ROBO2: variants seen among roughly 807,000 people sequenced by gnomAD.
ROBO2 encodes the protein roundabout guidance receptor 2.
ROBO2 carries 53 observed loss-of-function variants against 160.8 expected under a neutral mutation model. The observed-to-expected ratio is 0.33, with a 90% CI of 0.26 to 0.41. The LOEUF is 0.41. Among genes scored for constraint, ROBO2 ranks in the 10% least tolerant of loss-of-function variants. The pLI, the probability that ROBO2 is intolerant of heterozygous loss-of-function variation, is 1.00. For missense variants in ROBO2, 1,577 were observed against 1,722.4 expected (o/e 0.92, Z 1.49); for synonymous variants, 664 against 611.7 (o/e 1.09, Z -1.26).
At chr3:77,052,429 G>A (rs1255449680) in intron 1 of ROBO2, among the ~76,000 whole-genome samples, 1 of 152,152 alleles carries the variant, frequency 6.6e-6, no homozygotes, top group African/African-American at 2.4e-5. Flanking sequence ...GCCCTACTCA[G>A]TGAATAGCAT....
chr3:76,066,091 C>T (rs1356316796), intron 2 of ROBO2, among the ~76,000 whole-genome samples: 1 of 151,922 alleles, frequency 6.6e-6, no homozygotes, highest in Admixed American at 6.6e-5. Context: ...AGCTTTTATA[C>T]AAATGTGACA....
intron 2 of ROBO2, among the ~76,000 whole-genome samples, chr3:76,189,478 T>C (rs771468589): frequency 1.3e-5 from 2 of 152,032 alleles, no homozygotes; most frequent in Non-Finnish European, 2.9e-5. Context: ...ATTTTGCTTT[T>C]TGTTTCTGTT....
chr3:77,594,156 T>C lies in ROBO2; in HGVS notation c.2684-986T>C, dbSNP rs80103070. Among the ~76,000 whole-genome samples the C allele has an allele frequency of 3.4e-3, 517 of 152,316 alleles. 21 individuals are homozygous for C. In the East Asian group the frequency reaches 0.085, roughly 25 times the overall value. On this transcript the variant is annotated intron_variant, in intron 17 of 25. Coordinates refer to ENST00000461745, the Ensembl canonical transcript of ROBO2. ...ATCCAAACTAATGTGAAGCTACTTG[T>C]AGACTTTATCCTACTAATCATGGAT... is the stretch of plus-strand genomic sequence containing the variant.
At chr3:76,383,723 AAAAAAAC>A (rs1383780033) in intron 2 of ROBO2, among the ~76,000 whole-genome samples, 38 of 152,340 alleles carry the variant, frequency 2.5e-4, no homozygotes, top group African/African-American at 8.7e-4. Flanking sequence ...TCATAATGAA[AAAAAAAC>A]AAAAAACAAA....
intron 2 of ROBO2, among the ~76,000 whole-genome samples, chr3:77,020,317 A>G (rs889367928): frequency 6.6e-6 from 1 of 152,216 alleles, no homozygotes; most frequent in Non-Finnish European, 1.5e-5. Flanking sequence ...CTTTTTATAT[A>G]TAAAAGCATT....
intron 2 of ROBO2, among the ~76,000 whole-genome samples, chr3:77,005,807 C>G (rs115798264): frequency 1.1e-4 from 16 of 151,746 alleles, no homozygotes; most frequent in Admixed American, 3.3e-4. Context: ...GATTACGAAG[C>G]AAAAAAGGAT....
chr3:76,358,948 G>T (rs1296905616), intron 2 of ROBO2, among the ~76,000 whole-genome samples: 1 of 124,874 alleles, frequency 8.0e-6, no homozygotes, highest in Non-Finnish European at 1.6e-5. Flanking sequence ...ACAGTCCCCG[G>T]TGTGTGATGT....
intron 2 of ROBO2, among the ~76,000 whole-genome samples, chr3:76,120,842 G>T (rs1406666820): frequency 6.6e-6 from 1 of 152,044 alleles, no homozygotes. Context: ...GCTGTGTAAG[G>T]TATTGTAGTA....
At chr3:77,112,193 CAAAAAAAAAAAAAA>C (rs373201643) in intron 2 of ROBO2, among the ~76,000 whole-genome samples, 9 of 68,684 alleles carry the variant, frequency 1.3e-4, no homozygotes, top group Non-Finnish European at 1.5e-4. Context: ...AGACTCGTCT[CAAAAAAAAAAAAAA>C]AAAAAAAAAA....
At position 77,494,788 on chromosome 3, in the gene ROBO2, C is replaced by A. The variant is rs6794442; in HGVS notation, c.806+1406C>A. Among the ~76,000 whole-genome samples, 863 of 152,298 alleles carry A rather than the reference C, an allele frequency of 5.7e-3. 8 individuals are homozygous for A. The highest frequency in any genetic ancestry group is 0.02 in the African/African-American group (826 of 41,558). On this transcript the variant is annotated intron_variant, in intron 5 of 25. Transcript: ENST00000461745. ...ATACTTTACTTCAAAAGGCATGTCA[C>A]TCATGGATTGAATAAACTGGATTCA...
chr3:77,021,130 G>T (rs2062605592), intron 2 of ROBO2, among the ~76,000 whole-genome samples: 1 of 152,130 alleles, frequency 6.6e-6, no homozygotes, highest in South Asian at 2.1e-4. Flanking sequence ...GAGCCTGGGA[G>T]GTCGAGGTTG....
At chr3:77,620,544 C>A (rs1045039047) in intron 22 of ROBO2, among the ~76,000 whole-genome samples, 30 of 152,326 alleles carry the variant, frequency 2.0e-4, no homozygotes, top group African/African-American at 7.2e-4. Flanking sequence ...CTTGCTATTT[C>A]TTCCTATTTT....
At chr3:77,535,695 G>T (rs2092048987) in intron 6 of ROBO2, among the ~76,000 whole-genome samples, 1 of 152,144 alleles carries the variant, frequency 6.6e-6, no homozygotes, top group South Asian at 2.1e-4. Flanking sequence ...GAAAAGCAAA[G>T]CTACAAACGC....
At chr3:76,524,872 A>G (rs939442517) in intron 2 of ROBO2, among the ~76,000 whole-genome samples, 4 of 144,342 alleles carry the variant, frequency 2.8e-5, no homozygotes, top group Non-Finnish European at 6.1e-5. Flanking sequence ...AAAAATAAGT[A>G]AAATCAGATA....
intron 2 of ROBO2, among the ~76,000 whole-genome samples, chr3:76,106,506 T>C (rs2069940021): frequency 6.6e-6 from 1 of 152,152 alleles, no homozygotes; most frequent in Admixed American, 6.6e-5. Flanking sequence ...TCTTTCCCAC[T>C]ATTTTCATGA....
intron 2 of ROBO2, among the ~76,000 whole-genome samples, chr3:76,154,937 C>T (rs905083820): frequency 5.3e-5 from 8 of 152,004 alleles, no homozygotes; most frequent in Non-Finnish European, 1.2e-4. Context: ...TGTCATGATT[C>T]ACAGCTTGAA....
intron 2 of ROBO2, among the ~76,000 whole-genome samples, chr3:76,284,184 G>C (rs898189937): frequency 1.6e-4 from 24 of 151,950 alleles, no homozygotes; most frequent in Non-Finnish European, 3.4e-4. Context: ...TTCAGAATAA[G>C]CTAGCGTACA....
intron 6 of ROBO2, among the ~76,000 whole-genome samples, chr3:77,543,168 A>T (rs1183422226): frequency 6.6e-6 from 1 of 151,608 alleles, no homozygotes; most frequent in Non-Finnish European, 1.5e-5. Context: ...TTTTTTTCTC[A>T]CAACATGGCC....
intron 2 of ROBO2, among the ~76,000 whole-genome samples, chr3:76,426,604 A>C (rs967370263): frequency 3.3e-5 from 5 of 152,224 alleles, no homozygotes; most frequent in African/African-American, 7.2e-5. Context: ...GAATTTTGAA[A>C]TTTAAAAGGA....
Sources: allele counts gnomAD v4.1 joint callset (sites outside exome capture counted in the v4.1 genomes callset), GRCh38; gene constraint gnomAD v4.1.1; transcripts MANE v1.5; gene names NCBI Gene and HGNC (gene_info 2026-07-23, HGNC 2026-07-21).